ST6GALNAC3: variants seen among roughly 807,000 people sequenced by gnomAD.
ST6GALNAC3 encodes the protein alpha-N-acetylgalactosaminide alpha-2,6-sialyltransferase 3.
ST6GALNAC3 carries 25 observed loss-of-function variants against 32.7 expected under a neutral mutation model. That is an observed-to-expected ratio of 0.76 (90% CI 0.56 to 1.07). ST6GALNAC3 has a LOEUF of 1.07. Ranked by LOEUF, ST6GALNAC3 falls within the 50% of genes least tolerant of loss-of-function variation. ST6GALNAC3 has a pLI of 0.00. For synonymous variants in ST6GALNAC3, 129 were observed against 133.1 expected (o/e 0.97, Z 0.21); for missense variants, 355 against 382.4 (o/e 0.93, Z 0.60).
At chr1:76,613,271 G>A (rs1332491937) in intron 3 of ST6GALNAC3, among the ~76,000 whole-genome samples, 2 of 152,132 alleles carry the variant, frequency 1.3e-5, no homozygotes, top group Non-Finnish European at 2.9e-5. Context: ...TCTATCTCCT[G>A]GGGGGTCCAA....
chr1:76,109,992 CT>C (rs1339170999), intron 1 of ST6GALNAC3, among the ~76,000 whole-genome samples: 1 of 152,144 alleles, frequency 6.6e-6, no homozygotes, highest in African/African-American at 2.4e-5. Context: ...ATAAGAAAGC[CT>C]TTGAGAGGAT....
At chr1:76,515,655 G>A (rs190558262) in intron 3 of ST6GALNAC3, among the ~76,000 whole-genome samples, 7 of 151,930 alleles carry the variant, frequency 4.6e-5, no homozygotes, top group South Asian at 2.1e-4. Flanking sequence ...TTTCCCTTTC[G>A]TCTACTTACC....
intron 3 of ST6GALNAC3, among the ~76,000 whole-genome samples, chr1:76,597,987 G>T (rs956583268): frequency 2.0e-5 from 3 of 152,096 alleles, no homozygotes; most frequent in Non-Finnish European, 2.9e-5. Flanking sequence ...TATAGACTGG[G>T]TGTCCTAAAC....
intron 1 of ST6GALNAC3, among the ~76,000 whole-genome samples, chr1:76,239,014 A>C (rs1266222149): frequency 6.6e-6 from 1 of 151,552 alleles, no homozygotes; most frequent in Non-Finnish European, 1.5e-5. Flanking sequence ...TGAGCACAAA[A>C]GCAAGGGGCT....
chr1:76,516,974 A>C (rs1226230905), intron 3 of ST6GALNAC3, among the ~76,000 whole-genome samples: 2 of 152,050 alleles, frequency 1.3e-5, no homozygotes, highest in South Asian at 2.1e-4. Flanking sequence ...CAGTCTTATA[A>C]AAATTTTTTC....
intron 1 of ST6GALNAC3, among the ~76,000 whole-genome samples, chr1:76,112,971 G>A (rs534698204): frequency 1.3e-5 from 2 of 152,166 alleles, no homozygotes; most frequent in Non-Finnish European, 2.9e-5. Flanking sequence ...CGGCACTTTG[G>A]GGGGCCAAGG....
chr1:76,570,640 A>G (rs1303739374), intron 3 of ST6GALNAC3, among the ~76,000 whole-genome samples: 2 of 152,076 alleles, frequency 1.3e-5, no homozygotes, highest in African/African-American at 4.8e-5. Context: ...ATGACATCTT[A>G]TGTTGCTAAG....
chr1:76,198,224 T>C (rs919535583), intron 1 of ST6GALNAC3, among the ~76,000 whole-genome samples: 1 of 152,102 alleles, frequency 6.6e-6, no homozygotes, highest in Non-Finnish European at 1.5e-5. Flanking sequence ...TTAGTAGATA[T>C]GAAGTCTTGC....
intron 3 of ST6GALNAC3, among the ~76,000 whole-genome samples, chr1:76,614,588 G>A (rs1265008969): frequency 6.6e-6 from 1 of 151,640 alleles, no homozygotes; most frequent in Admixed American, 6.6e-5. Context: ...GCGTGGTGGC[G>A]GGCGCCTGTA....
At position 76,295,316 on chromosome 1, in the gene ST6GALNAC3, C is replaced by A. The variant is rs183064286; in HGVS notation, c.19-18489C>A. On this transcript the variant is annotated intron_variant, in intron 1 of 4. Coordinates refer to ENST00000328299, the MANE Select transcript of ST6GALNAC3 (RefSeq NM_152996.4). ...GCATGGCCCTTTGTAGTTGAAAACT[C>A]TCAGAATGTCTACCAAGTGTATTAT... Among the ~76,000 whole-genome samples the A allele has an allele frequency of 1.8e-3, 277 of 152,222 alleles. 2 individuals carry two copies. The highest frequency in any genetic ancestry group is 6.2e-3 in the African/African-American group (257 of 41,560).
In ST6GALNAC3 at chr1:76,100,986, T is replaced by C. The variant is rs148413012; in HGVS notation, c.18+26102T>C. 3.8e-4 allele frequency among the ~76,000 whole-genome samples: 58 copies of C among 152,266 alleles called. 1 individual carries two copies. Among genetic ancestry groups the C allele is most frequent in the African/African-American group, 1.4e-3 (57 of 41,562 alleles). ...ACCAAGATCCCCCATCAGGGTGCTA[T>C]ATTTGTTACAATTGATGATCCTAAA... is the stretch of plus-strand genomic sequence containing the variant. On this transcript the variant is annotated intron_variant, in intron 1 of 4. Coordinates refer to ENST00000328299, the MANE Select transcript of ST6GALNAC3 (RefSeq NM_152996.4).
At chr1:76,511,582 T>C (rs1661865678) in intron 3 of ST6GALNAC3, among the ~76,000 whole-genome samples, 1 of 152,228 alleles carries the variant, frequency 6.6e-6, no homozygotes, top group Non-Finnish European at 1.5e-5. Context: ...TACAGAATTT[T>C]CATCTTCCCT....
At position 76,546,316 on chromosome 1, in the gene ST6GALNAC3, G is replaced by A. The variant is rs964168161; in HGVS notation, c.624-81136G>A. 2.0e-5 allele frequency among the ~76,000 whole-genome samples: 3 copies of A among 152,270 alleles called. No individual in the cohort carries two copies. The South Asian group carries it at 6.2e-4, about 32-fold the overall frequency. ...TGGAAAAATTCCAGTAAACTCAGAG[G>A]TTTTGGAGTGATGGTGCTAGTAGTG... On this transcript the variant is annotated intron_variant, in intron 3 of 4. Coordinates refer to ENST00000328299, the MANE Select transcript of ST6GALNAC3 (RefSeq NM_152996.4).
At chr1:76,583,684 T>C (rs986438858) in intron 3 of ST6GALNAC3, among the ~76,000 whole-genome samples, 2 of 152,184 alleles carry the variant, frequency 1.3e-5, no homozygotes, top group African/African-American at 2.4e-5. Flanking sequence ...ACAGGAACTA[T>C]GTGCTTAGGA....
chr1:76,579,583 G>C (rs1646862565), intron 3 of ST6GALNAC3, among the ~76,000 whole-genome samples: 1 of 151,880 alleles, frequency 6.6e-6, no homozygotes, highest in Non-Finnish European at 1.5e-5. Flanking sequence ...GATTTATCTT[G>C]AGACTTTTTA....
chr1:76,153,394 T>C (rs147876931), intron 1 of ST6GALNAC3, among the ~76,000 whole-genome samples: 3 of 152,216 alleles, frequency 2.0e-5, no homozygotes, highest in African/African-American at 7.2e-5. Flanking sequence ...TATAGACCCA[T>C]AGGCGGCTAG....
At chr1:76,544,254 G>A (rs934851644) in intron 3 of ST6GALNAC3, among the ~76,000 whole-genome samples, 2 of 151,982 alleles carry the variant, frequency 1.3e-5, no homozygotes, top group African/African-American at 4.8e-5. Flanking sequence ...GACTATGCAG[G>A]CCATGGTAAG....
chr1:76,156,628 G>A (rs1274532071), intron 1 of ST6GALNAC3, among the ~76,000 whole-genome samples: 1 of 151,544 alleles, frequency 6.6e-6, no homozygotes, highest in Non-Finnish European at 1.5e-5. Context: ...TTTTGTTTTT[G>A]AGGTGTTTCT....
intron 3 of ST6GALNAC3, among the ~76,000 whole-genome samples, chr1:76,484,780 A>AG (rs1219505301): frequency 4.6e-5 from 7 of 152,228 alleles, no homozygotes; most frequent in East Asian, 1.9e-4. Flanking sequence ...GTGGTGAGAG[A>AG]CGCATCCCTG....
Sources: gnomAD v4.1 joint callset for allele counts (sites outside exome capture counted in the v4.1 genomes callset) on GRCh38, gnomAD v4.1.1 for gene constraint, MANE v1.5 for transcripts, NCBI Gene and HGNC (gene_info 2026-07-23, HGNC 2026-07-21) for gene names.